IL1RL1: variants seen among roughly 807,000 people sequenced by gnomAD.
IL1RL1 encodes the protein interleukin-1 receptor-like 1.
In IL1RL1, 32 loss-of-function variants were observed where a neutral mutation model predicts 50.9. The ratio of observed to expected loss-of-function variants is 0.63; its 90% CI spans 0.47 to 0.84. The LOEUF (loss-of-function observed/expected upper bound fraction) is 0.84, where lower values mean the gene tolerates loss of function less well. Ranked by LOEUF, IL1RL1 falls within the 40% of genes least tolerant of loss-of-function variation. The probability of loss-of-function intolerance (pLI) is 0.00; values close to 1 mark genes in which losing one functional copy is unlikely to be tolerated. For missense variants in IL1RL1, 773 were observed against 662.9 expected (o/e 1.17, Z -1.82); for synonymous variants, 275 against 236.0 (o/e 1.17, Z -1.51).
chr2:102,347,979 A>ATGTAG lies in IL1RL1; in HGVS notation c.1010_1014dup (p.Phe339ValfsTer4). The ATGTAG allele has an allele frequency of 6.4e-7, 1 of 1,557,962 alleles. No individual in the cohort carries two copies. The highest frequency in any genetic ancestry group is 1.1e-5 in the South Asian group (1 of 89,906). On this transcript the variant is annotated frameshift_variant, in exon 9 of 11. Coordinates refer to ENST00000233954, the MANE Select transcript of IL1RL1 (RefSeq NM_016232.5). LOFTEE classifies it high-confidence loss of function. ...ATAGCATCTACTGCATAATTGCAGT[A>ATGTAG]TGTAGTGTATTTTTAATGCTAATCA...
chr2:102,352,024 G>GCA lies in IL1RL1; in HGVS notation c.*103_*104insCA, dbSNP rs1677951533. 7 of 1,171,908 alleles carry GCA rather than the reference G, an allele frequency of 6.0e-6. No individual in the cohort carries two copies. Among genetic ancestry groups the GCA allele is most frequent in the Non-Finnish European group, 7.2e-6 (6 of 833,482 alleles). The allele number at this position is 1,171,908 out of a possible 1,614,324, so 72.6% of individuals were successfully genotyped here. ...AAGTGTGAGGAGCAGGAATATTAAA[G>GCA]GGATTCAGGCCTCAGGTTTCATCTG... On this transcript the variant is annotated 3_prime_UTR_variant, in exon 11 of 11. Transcript: ENST00000233954.
intron 1 of IL1RL1, among the ~76,000 whole-genome samples, chr2:102,333,135 C>A (rs1677219837): frequency 6.6e-6 from 1 of 152,008 alleles, no homozygotes; most frequent in Non-Finnish European, 1.5e-5. Flanking sequence ...ACTTTGGAGG[C>A]CCCCTTGATT....
Position 102,351,536 on chromosome 2 carries a change from A to T in IL1RL1, c.1286A>T (p.Asp429Val), listed in dbSNP as rs1409837861. The T allele has an allele frequency of 1.2e-6, 2 of 1,612,520 alleles. No homozygotes were observed. Among genetic ancestry groups the T allele is most frequent in the African/African-American group, 1.3e-5 (1 of 74,864 alleles). The change falls in exon 11 of 11, where the codon GAT (aspartate) becomes GTT (valine). Residue 429 changes from aspartate (D) to valine (V), a missense_variant and splice_region_variant. Coordinates refer to ENST00000233954, the MANE Select transcript of IL1RL1 (RefSeq NM_016232.5). The stretch of plus-strand genomic sequence containing the variant: ...TCTGATCTATTTCTTGTATGACTAG[A>T]TGTAGTCACTGCAGTGGAAACCAAC... The part of the protein sequence containing the change: ...IYGRDMLPGE[D>V]VVTAVETNIR...
chr2:102,334,759 A>G (rs954662429), intron 1 of IL1RL1, among the ~76,000 whole-genome samples: 1 of 152,166 alleles, frequency 6.6e-6, no homozygotes, highest in South Asian at 2.1e-4. Flanking sequence ...GGACATTTAC[A>G]TTTTACATTT....
In IL1RL1 at chr2:102,351,492, G is replaced by A. The variant is rs145021304; in HGVS notation, c.1286-44G>A. ...AATGTTCAGGATGTTTATGTTTAAA[G>A]CATTAGACTGATAAGAAATCTGATC... On this transcript the variant is annotated intron_variant, in intron 10 of 10. Transcript: ENST00000233954. 4.8e-4 allele frequency: 744 copies of A among 1,542,498 alleles called. 5 individuals are homozygous for A. The African/African-American group carries it at 8.8e-3, about 18-fold the overall frequency.
chr2:102,335,011 G>C (rs1230467884), intron 1 of IL1RL1, among the ~76,000 whole-genome samples: 1 of 152,118 alleles, frequency 6.6e-6, no homozygotes, highest in Non-Finnish European at 1.5e-5. Context: ...AATGAGCTTA[G>C]ATTCTATGAG....
At chr2:102,326,713 G>A (rs987091647) in intron 1 of IL1RL1, among the ~76,000 whole-genome samples, 3 of 152,058 alleles carry the variant, frequency 2.0e-5, no homozygotes, top group Non-Finnish European at 2.9e-5. Context: ...CCTAGTCTCT[G>A]ATAAAACAGA....
chr2:102,351,673 G>A lies in IL1RL1; in HGVS notation c.1423G>A (p.Ala475Thr), dbSNP rs987432245. ...ALHCALIQNDAKVILIEMEAL... is the reference protein window; with the variant it reads ...ALHCALIQNDTKVILIEMEAL... ...GCACTGTGCCCTCATCCAGAACGAC[G>A]CCAAGGTGATACTTATTGAGATGGA... The change falls in exon 11 of 11, where the codon GCC becomes ACC. Residue 475 changes from alanine to threonine, a missense_variant. Transcript: ENST00000233954. 3.7e-6 allele frequency: 6 copies of A among 1,614,096 alleles called. No homozygotes were observed. The highest frequency in any genetic ancestry group is 1.1e-5 in the South Asian group (1 of 91,078).
At chr2:102,319,443 G>A (rs1676773689) in intron 1 of IL1RL1, among the ~76,000 whole-genome samples, 1 of 152,118 alleles carries the variant, frequency 6.6e-6, no homozygotes, top group African/African-American at 2.4e-5. Context: ...AAGAAAGGGA[G>A]GTGCAACAAA....
At chr2:102,342,112 A>T in intron 5 of IL1RL1, 111 bp from the exon 6 acceptor site, 1 of 658,976 alleles carries the variant, frequency 1.5e-6, no homozygotes. Context: ...TTATTGTCAG[A>T]AGAACTTGAA....
At position 102,348,063 on chromosome 2, in the gene IL1RL1, C is replaced by T. The variant is rs920952947; in HGVS notation, c.1089C>T (p.Asp363=). ...TTGAGGCCACTCTGCTCTGGAGAGA[C>T]ATAGCTAAACCTTACAAGACTAGGA... ...FWIEATLLWR[D]IAKPYKTRND... Residue 363 remains aspartate (D), a synonymous_variant, in exon 9 of 11, where the codon GAC becomes GAT. Transcript: ENST00000233954. The T allele has an allele frequency of 2.5e-6, 4 of 1,612,884 alleles. No individual in the cohort carries two copies. The highest frequency in any genetic ancestry group is 3.4e-6 in the Non-Finnish European group (4 of 1,179,270).
chr2:102,345,649 T>C (rs1320359566), intron 8 of IL1RL1: 1 of 984,902 alleles, frequency 1.0e-6, no homozygotes, highest in Non-Finnish European at 1.2e-6. Context: ...CTATGTGGGG[T>C]TTTTCTTGTT....
At position 102,340,171 on chromosome 2, in the gene IL1RL1, T is replaced by C; in HGVS notation, c.346T>C (p.Tyr116His). 2 of 1,598,590 alleles carry C rather than the reference T, an allele frequency of 1.3e-6. No individual in the cohort carries two copies. Among genetic ancestry groups the C allele is most frequent in the Non-Finnish European group, 1.7e-6 (2 of 1,171,842 alleles). ...ACAATCAGATTGCAATGTTCCAGAT[T>C]ATTTGATGTATTCAACAGTATCTGG... ...KKQSDCNVPD[Y>H]LMYSTVSGSE... The change falls in exon 4 of 11, where the codon TAT (tyrosine) becomes CAT (histidine). Residue 116 changes from tyrosine (Y) to histidine (H), a missense_variant. Coordinates refer to ENST00000233954, the MANE Select transcript of IL1RL1 (RefSeq NM_016232.5).
intron 6 of IL1RL1, 108 bp from the exon 7 acceptor site, chr2:102,342,928 G>T: frequency 9.8e-7 from 1 of 1,021,134 alleles, no homozygotes; most frequent in Non-Finnish European, 1.5e-6. Context: ...GGAGGTCCTG[G>T]TGGGGTGCAT....
At chr2:102,335,291 C>T (rs1677285282) in intron 1 of IL1RL1, among the ~76,000 whole-genome samples, 1 of 152,136 alleles carries the variant, frequency 6.6e-6, no homozygotes, top group African/African-American at 2.4e-5. Flanking sequence ...TATAGACTAG[C>T]TTATTTTAAT....
intron 8 of IL1RL1, among the ~76,000 whole-genome samples, chr2:102,347,050 T>C (rs779732448): frequency 4.6e-5 from 7 of 152,204 alleles, no homozygotes; most frequent in Non-Finnish European, 8.8e-5. Flanking sequence ...GACCTAGAAC[T>C]TAGTAATTTG....
intron 8 of IL1RL1, among the ~76,000 whole-genome samples, chr2:102,346,707 A>T (rs1248650635): frequency 6.6e-6 from 1 of 152,178 alleles, no homozygotes; most frequent in Non-Finnish European, 1.5e-5. Flanking sequence ...GCTCTTTGTC[A>T]ATTTTCACTT....
chr2:102,343,539 T>C, intron 8 of IL1RL1, 124 bp downstream of exon 8: 1 of 1,578,952 alleles, frequency 6.3e-7, no homozygotes, highest in Non-Finnish European at 8.6e-7. Context: ...AATGTGCTTC[T>C]CTTCTTCGGG....
At position 102,339,642 on chromosome 2, in the gene IL1RL1, G is replaced by A. The variant is rs551802163; in HGVS notation, c.273-456G>A. Among the ~76,000 whole-genome samples the A allele has an allele frequency of 2.0e-5, 3 of 152,288 alleles. No homozygotes were observed. In the South Asian group the frequency reaches 6.2e-4, roughly 32 times the overall value. ...ATTCATGCTCTGCCACTAGTTAACTGTGCGATGCCAGCAAGTTACTTCTCT... is the reference window on the plus strand; with the variant it reads ...ATTCATGCTCTGCCACTAGTTAACTATGCGATGCCAGCAAGTTACTTCTCT... On this transcript the variant is annotated intron_variant, in intron 3 of 10. Transcript: ENST00000233954.
Sources: allele counts gnomAD v4.1 joint callset (sites outside exome capture counted in the v4.1 genomes callset), GRCh38; gene constraint gnomAD v4.1.1; transcripts MANE v1.5; gene names NCBI Gene and HGNC (gene_info 2026-07-23, HGNC 2026-07-21).